SH3BP2: variants seen among roughly 807,000 people sequenced by gnomAD.
SH3BP2 encodes the protein SH3 domain binding protein 2.
In SH3BP2, 38 loss-of-function variants were observed where a neutral mutation model predicts 56.2. The observed-to-expected ratio is 0.68, with a 90% CI of 0.52 to 0.89. The LOEUF (loss-of-function observed/expected upper bound fraction) is 0.89. SH3BP2 is among the 40% of genes least tolerant of loss of function. SH3BP2 has a pLI of 0.00. For synonymous variants in SH3BP2, 346 were observed against 316.7 expected, an observed-to-expected ratio of 1.09 and a Z score of -0.98; for missense variants, 748 against 762.6, an observed-to-expected ratio of 0.98 and a Z score of 0.23.
chr4:2,826,841 G>A, intron 5 of SH3BP2: 1 of 446,176 alleles, frequency 2.2e-6, no homozygotes. Context: ...ATACTTCCAT[G>A]TCTGTGTGAC....
At chr4:2,818,399 C>A in intron 1 of SH3BP2, 1 of 1,171,754 alleles carries the variant, frequency 8.5e-7, no homozygotes, top group Non-Finnish European at 1.1e-6. Flanking sequence ...CCGTGAGTAC[C>A]GAGCCCCGGC....
intron 1 of SH3BP2, among the ~76,000 whole-genome samples, chr4:2,817,314 A>T (rs544644489): frequency 6.6e-6 from 1 of 152,148 alleles, no homozygotes; most frequent in South Asian, 2.1e-4. Context: ...CCAAGAGGCA[A>T]TGGAGAGGGG....
In SH3BP2 at chr4:2,834,001, T is replaced by C. The variant is rs1725144066; in HGVS notation, c.*167T>C. 10 of 856,264 alleles carry C rather than the reference T, an allele frequency of 1.2e-5. No homozygotes were observed. The highest frequency in any genetic ancestry group is 8.9e-5 in the South Asian group (5 of 56,084). 53.0% of individuals were successfully genotyped at this position (856,264 alleles called of 1,614,324 possible). A position where few individuals can be genotyped will look rare whatever the true frequency, so the allele number is the denominator to read the frequency against. ...GACCCAGCCAGTCTCATCCAGCAGGTTGGGTTCTAGGGCTGAACCAGGCGC... is the reference window on the plus strand; with the variant it reads ...GACCCAGCCAGTCTCATCCAGCAGGCTGGGTTCTAGGGCTGAACCAGGCGC... On this transcript the variant is annotated 3_prime_UTR_variant, in exon 13 of 13. Coordinates refer to ENST00000503393, the MANE Select transcript of SH3BP2 (RefSeq NM_001122681.2).
At chr4:2,832,486 TC>T in intron 11 of SH3BP2, 74 bp downstream of exon 11, 2 of 1,124,272 alleles carry the variant, frequency 1.8e-6, no homozygotes, top group Non-Finnish European at 2.7e-6. Flanking sequence ...GGCCCAGGAC[TC>T]CACAGTTCCT....
chr4:2,832,259 A>G lies in SH3BP2; in HGVS notation c.1407-72A>G, dbSNP rs892549772. On this transcript the variant is annotated intron_variant, in intron 10 of 12. Coordinates refer to ENST00000503393, the MANE Select transcript of SH3BP2 (RefSeq NM_001122681.2). Reference sequence around the variant, plus strand: ...GAGAGGACAGAAAGCCAGGCTTGGGAGCGGGGCGGGAAGGTCCGTGTGAAA... The same window carrying G: ...GAGAGGACAGAAAGCCAGGCTTGGGGGCGGGGCGGGAAGGTCCGTGTGAAA... 4.6e-6 allele frequency: 6 copies of G among 1,291,304 alleles called. No homozygotes were observed. In the African/African-American group the frequency reaches 5.8e-5, roughly 13 times the overall value. The allele number at this position is 1,291,304 out of a possible 1,614,324, so 80.0% of individuals were successfully genotyped here.
rs369710768 is a variant in SH3BP2 at position 2,831,610 on chromosome 4, C to T, written c.1281C>T (p.Ser427=). The part of the protein sequence containing the change: ...PPDGQSFRSF[S]FEKPRQPSQA... ...ATGGGCAGAGTTTCAGGAGCTTCTC[C>T]TTTGAAAAGCCCCGGCAACCCTCAC... Residue 427 remains serine (S), a synonymous_variant, in exon 9 of 13, where the codon TCC becomes TCT. Transcript: ENST00000503393. The surrounding 1 kb of genome is among the most constrained non-coding windows in gnomAD (Gnocchi z 4.1). The T allele has an allele frequency of 2.5e-5, 40 of 1,602,662 alleles. No individual in the cohort carries two copies. The highest frequency in any genetic ancestry group is 3.2e-5 in the Non-Finnish European group (37 of 1,174,262).
rs1304494768 is a variant in SH3BP2 at position 2,818,281 on chromosome 4, G to T, written c.-4-2333G>T. ...GGGCCGGCGGGAGGCGGGCGCCCGG[G>T]ACGAGGCGGCGGCGGCCGGGGGACG... On this transcript the variant is annotated intron_variant, in intron 1 of 12. Transcript: ENST00000503393. The T allele has an allele frequency of 2.1e-5, 22 of 1,031,960 alleles. 1 individual carries two copies. In the East Asian group the frequency reaches 1.8e-3, roughly 84 times the overall value. 63.9% of individuals were successfully genotyped at this position (1,031,960 alleles called of 1,614,324 possible).
At chr4:2,807,722 C>T (rs1021751974) in intron 1 of SH3BP2, among the ~76,000 whole-genome samples, 1 of 152,154 alleles carries the variant, frequency 6.6e-6, no homozygotes, top group Admixed American at 6.5e-5. Flanking sequence ...GCTGCTGCGC[C>T]GTGGTGAATG....
rs564121612 is a variant in SH3BP2, at chr4:2,799,272, A to G, written c.-5+6134A>G. 24 of 985,454 alleles carry G rather than the reference A, an allele frequency of 2.4e-5. No homozygotes were observed. The African/African-American group carries it at 4.0e-4, about 16-fold the overall frequency. 61.0% of individuals were successfully genotyped at this position (985,454 alleles called of 1,614,324 possible). ...CCCTCACCGCGACTGGACTTCGCTC[A>G]GCTTCAGACCCTGGGCTGCAGCTGC... On this transcript the variant is annotated intron_variant, in intron 1 of 12. Coordinates refer to ENST00000503393, the MANE Select transcript of SH3BP2 (RefSeq NM_001122681.2).
intron 10 of SH3BP2, 24 bp downstream of exon 10, chr4:2,832,002 C>T: frequency 6.2e-7 from 1 of 1,611,366 alleles, no homozygotes. Flanking sequence ...CCTGTGTGTG[C>T]TGGGTCCTCC....
intron 1 of SH3BP2, among the ~76,000 whole-genome samples, chr4:2,803,238 G>A (rs1269429232): frequency 6.6e-6 from 1 of 152,204 alleles, no homozygotes; most frequent in Non-Finnish European, 1.5e-5. Flanking sequence ...GACCTCTGCC[G>A]TTGGCTCTGG....
intron 1 of SH3BP2, chr4:2,798,956 G>C: frequency 2.0e-6 from 2 of 984,178 alleles, no homozygotes; most frequent in Non-Finnish European, 2.4e-6. Context: ...CAGCTGCTGG[G>C]GCGGGGTGTG....
Position 2,831,783 on chromosome 4 carries a change from C to T in SH3BP2, c.1350+104C>T, listed in dbSNP as rs918978565. ...CCTCACAGACCGTCCTGAGCAAGGACCCCCCGAGAACCCGGGAGCCTAGGG... is the reference window on the plus strand; with the variant it reads ...CCTCACAGACCGTCCTGAGCAAGGATCCCCCGAGAACCCGGGAGCCTAGGG... On this transcript the variant is annotated intron_variant, in intron 9 of 12. Coordinates refer to ENST00000503393, the MANE Select transcript of SH3BP2 (RefSeq NM_001122681.2). The surrounding 1 kb of genome is among the most constrained non-coding windows in gnomAD (Gnocchi z 4.1). 2 of 1,337,370 alleles carry T rather than the reference C, an allele frequency of 1.5e-6. No homozygotes were observed. The highest frequency in any genetic ancestry group is 2.9e-5 in the African/African-American group (2 of 68,522). The allele number at this position is 1,337,370 out of a possible 1,614,324, so 82.8% of individuals were successfully genotyped here. A position where few individuals can be genotyped will look rare whatever the true frequency, so the allele number is the denominator to read the frequency against.
At chr4:2,819,242 C>G (rs922127119) in intron 1 of SH3BP2, among the ~76,000 whole-genome samples, 3 of 152,106 alleles carry the variant, frequency 2.0e-5, no homozygotes, top group African/African-American at 7.2e-5. Flanking sequence ...TTTATAGAGA[C>G]AGTGTCTCAC....
intron 1 of SH3BP2, among the ~76,000 whole-genome samples, chr4:2,798,787 C>T (rs1022107807): frequency 4.6e-5 from 7 of 152,214 alleles, no homozygotes; most frequent in African/African-American, 1.7e-4. Context: ...TGGCCTCAGG[C>T]GTTCCCAGGC....
chr4:2,802,122 G>T (rs1723306310), intron 1 of SH3BP2, among the ~76,000 whole-genome samples: 1 of 151,952 alleles, frequency 6.6e-6, no homozygotes, highest in Non-Finnish European at 1.5e-5. Context: ...AAAGGGGCCG[G>T]GCGCAGTGGC....
rs750646577 is a variant in SH3BP2 at position 2,825,111 on chromosome 4, C to G, written c.358-15C>G. On this transcript the variant is annotated splice_polypyrimidine_tract_variant and intron_variant, in intron 4 of 12. Transcript: ENST00000503393. ...CTGGTGGCACCGTGCCCACCACAGCCCCGCTGACCTGCAGAGCTGGATGGC... is the reference window on the plus strand; with the variant it reads ...CTGGTGGCACCGTGCCCACCACAGCGCCGCTGACCTGCAGAGCTGGATGGC... 2 of 1,562,026 alleles carry G rather than the reference C, an allele frequency of 1.3e-6. No homozygotes were observed. The highest frequency in any genetic ancestry group is 2.4e-5 in the South Asian group (2 of 84,872).
chr4:2,826,364 G>A (rs1243713513), intron 5 of SH3BP2: 5 of 166,144 alleles, frequency 3.0e-5, no homozygotes, highest in African/African-American at 1.5e-4. Context: ...GTGTTGCTCT[G>A]TGTTTGTGTG....
chr4:2,794,864 C>T (rs1298170163), intron 1 of SH3BP2, among the ~76,000 whole-genome samples: 1 of 152,210 alleles, frequency 6.6e-6, no homozygotes, highest in Non-Finnish European at 1.5e-5. Context: ...ACAAGCAGGC[C>T]CACAGACGGG....
Sources: allele counts gnomAD v4.1 joint callset (sites outside exome capture counted in the v4.1 genomes callset), GRCh38; gene constraint gnomAD v4.1.1; non-coding constraint Gnocchi (gnomAD v3.1); transcripts MANE v1.5; gene names NCBI Gene and HGNC (gene_info 2026-07-23, HGNC 2026-07-21).